SBF2: variants seen among roughly 807,000 people sequenced by gnomAD.
SBF2 encodes myotubularin-related protein 13.
In SBF2, 112 loss-of-function variants were observed where a neutral mutation model predicts 225.2. That is an observed-to-expected ratio of 0.50 (90% CI 0.43 to 0.58). The LOEUF (loss-of-function observed/expected upper bound fraction) is 0.58. Among genes scored for constraint, SBF2 ranks in the 20% least tolerant of loss-of-function variants. The probability of loss-of-function intolerance (pLI) is 0.00; values close to 1 mark genes in which losing one functional copy is unlikely to be tolerated. For synonymous variants in SBF2, 763 were observed against 773.3 expected (o/e 0.99, Z 0.22); for missense variants, 1,996 against 2,206.2 (o/e 0.90, Z 1.91).
intron 1 of SBF2, among the ~76,000 whole-genome samples, chr11:10,242,394 AT>A (rs1565393418): frequency 6.6e-6 from 1 of 152,094 alleles, no homozygotes; most frequent in African/African-American, 2.4e-5. Context: ...AAAAAAAAGT[AT>A]ATTATTACAA....
intron 2 of SBF2, among the ~76,000 whole-genome samples, chr11:10,178,339 A>C (rs1180953370): frequency 6.7e-6 from 1 of 149,428 alleles, no homozygotes; most frequent in Non-Finnish European, 1.5e-5. Flanking sequence ...CAAAATTGAC[A>C]AATGGGACCT....
chr11:10,026,702 G>A (rs970995803), intron 6 of SBF2, among the ~76,000 whole-genome samples: 1 of 152,120 alleles, frequency 6.6e-6, no homozygotes, highest in African/African-American at 2.4e-5. Flanking sequence ...TCATGCCACT[G>A]CATTCCAGCC....
At chr11:9,975,473 G>C (rs1946640197) in intron 13 of SBF2, among the ~76,000 whole-genome samples, 1 of 152,198 alleles carries the variant, frequency 6.6e-6, no homozygotes, top group South Asian at 2.1e-4. Flanking sequence ...TGTTTGAGGT[G>C]GTGGGAAGAT....
intron 16 of SBF2, among the ~76,000 whole-genome samples, chr11:9,903,247 G>A (rs778615894): frequency 3.9e-5 from 6 of 152,066 alleles, no homozygotes; most frequent in Non-Finnish European, 7.4e-5. Flanking sequence ...GCGTGAACCC[G>A]GGAGGCAGAG....
intron 1 of SBF2, among the ~76,000 whole-genome samples, chr11:10,259,038 T>G (rs1961173581): frequency 6.6e-6 from 1 of 152,228 alleles, no homozygotes; most frequent in South Asian, 2.1e-4. Context: ...ACCTAGTCCT[T>G]GGACTTCTAT....
At chr11:10,189,075 T>C (rs1003360871) in intron 2 of SBF2, among the ~76,000 whole-genome samples, 1 of 152,226 alleles carries the variant, frequency 6.6e-6, no homozygotes, top group Non-Finnish European at 1.5e-5. Context: ...TTAGATTCCA[T>C]CTACAGTATC....
At chr11:10,302,324 C>T (rs7935257) in intron 1 of SBF2, among the ~76,000 whole-genome samples, 15,192 of 152,302 alleles carry the variant, frequency 0.1, 913 homozygotes, top group Non-Finnish European at 0.11. Context: ...CTTTGGGGAG[C>T]ACTCTAGCCC....
chr11:9,833,251 G>A (rs915078686), intron 26 of SBF2, among the ~76,000 whole-genome samples: 1 of 152,146 alleles, frequency 6.6e-6, no homozygotes, highest in Non-Finnish European at 1.5e-5. Flanking sequence ...AAAGTTACAG[G>A]ATATGATGCT....
At chr11:10,175,462 CT>C (rs1181114248) in intron 2 of SBF2, among the ~76,000 whole-genome samples, 16 of 150,982 alleles carry the variant, frequency 1.1e-4, no homozygotes, top group Admixed American at 1.1e-3. Flanking sequence ...GAAGAGCTAA[CT>C]ATCCTAAATA....
chr11:9,981,837 AT>A (rs1590672524), intron 13 of SBF2, among the ~76,000 whole-genome samples: 1 of 152,192 alleles, frequency 6.6e-6, no homozygotes, highest in South Asian at 2.1e-4. Context: ...CTTCCAGAAT[AT>A]TTTTTTGTTT....
chr11:9,958,973 G>A, intron 16 of SBF2: 1 of 767,428 alleles, frequency 1.3e-6, no homozygotes, highest in East Asian at 2.5e-5. Context: ...TACTGCTGTT[G>A]CTTGCTTAGT....
rs146526801 is a variant in SBF2, at chr11:10,029,936, T to G, written c.403-61A>C. On this transcript the variant is annotated intron_variant, in intron 4 of 39. Coordinates refer to ENST00000256190, the MANE Select transcript of SBF2 (RefSeq NM_030962.4). Reference sequence around the variant, plus strand: ...AAAAAGCATTAAAAATAAATTGTTATGACATCTGCTCTAGGACGATTTCTC... The same window carrying G: ...AAAAAGCATTAAAAATAAATTGTTAGGACATCTGCTCTAGGACGATTTCTC... 71 of 1,102,886 alleles carry G rather than the reference T, an allele frequency of 6.4e-5. No homozygotes were observed. In the African/African-American group the frequency reaches 1.0e-3, roughly 16 times the overall value. The allele number at this position is 1,102,886 out of a possible 1,614,324, so 68.3% of individuals were successfully genotyped here. A position where few individuals can be genotyped will look rare whatever the true frequency, so the allele number is the denominator to read the frequency against.
At chr11:10,048,495 G>C (rs1170602833) in intron 2 of SBF2, among the ~76,000 whole-genome samples, 5 of 152,108 alleles carry the variant, frequency 3.3e-5, no homozygotes, top group Non-Finnish European at 7.4e-5. Flanking sequence ...TAATTGAAAA[G>C]GCCCTTGATG....
rs890389501 is a variant in SBF2, at chr11:9,779,146, T to A, written c.*1272A>T. ...TTATTTTTAATCTACAAAGTATTTTTATTTTTTAAAAGGGAACCATTTCAT... is the reference window on the plus strand; with the variant it reads ...TTATTTTTAATCTACAAAGTATTTTAATTTTTTAAAAGGGAACCATTTCAT... On this transcript the variant is annotated 3_prime_UTR_variant, in exon 40 of 40. Transcript: ENST00000256190. 1 of 152,636 alleles carries A rather than the reference T, an allele frequency of 6.6e-6. No homozygotes were observed. Among genetic ancestry groups the A allele is most frequent in the Non-Finnish European group, 1.5e-5 (1 of 68,030 alleles). 9.5% of individuals were successfully genotyped at this position (152,636 alleles called of 1,614,324 possible).
At position 9,835,631 on chromosome 11, in the gene SBF2, C is replaced by CAAAAAAAAAAAAAAAAAAAAAAAAAA. The variant is rs58436467; in HGVS notation, c.3456-3212_3456-3211insTTTTTTTTTTTTTTTTTTTTTTTTTT. ...TGGGAGACAGAGCAAGACCTTGTCT[C>CAAAAAAAAAAAAAAAAAAAAAAAAAA]AAAAAAAAAAAAAAAAGATTACTAC... On this transcript the variant is annotated intron_variant, in intron 26 of 39. Transcript: ENST00000256190. 9.7e-5 allele frequency among the ~76,000 whole-genome samples: 6 copies of CAAAAAAAAAAAAAAAAAAAAAAAAAA among 62,134 alleles called. 1 individual carries two copies. The highest frequency in any genetic ancestry group is 1.3e-4 in the African/African-American group (2 of 15,498). 40.8% of individuals were successfully genotyped at this position (62,134 alleles called of 152,430 possible).
At chr11:9,832,719 G>A (rs1855476930) in intron 26 of SBF2, among the ~76,000 whole-genome samples, 1 of 152,116 alleles carries the variant, frequency 6.6e-6, no homozygotes, top group Non-Finnish European at 1.5e-5. Context: ...GGGATTATGG[G>A]CGTGAGCCAT....
intron 19 of SBF2, among the ~76,000 whole-genome samples, chr11:9,854,381 TA>T (rs1857168471): frequency 6.6e-6 from 1 of 152,164 alleles, no homozygotes; most frequent in African/African-American, 2.4e-5. Context: ...CCTTCTTGCT[TA>T]TTCAGCTCTT....
chr11:9,783,620 G>A (rs557419879), intron 38 of SBF2, among the ~76,000 whole-genome samples: 1 of 152,264 alleles, frequency 6.6e-6, no homozygotes, highest in African/African-American at 2.4e-5. Context: ...TGAAATCACT[G>A]GAGTAAAGAC....
chr11:10,064,391 A>C (rs1156559862), intron 2 of SBF2, among the ~76,000 whole-genome samples: 1 of 152,172 alleles, frequency 6.6e-6, no homozygotes, highest in Non-Finnish European at 1.5e-5. Flanking sequence ...CTTAACCTAA[A>C]AGAAGGCTGA....
Sources: gnomAD v4.1 joint callset for allele counts (sites outside exome capture counted in the v4.1 genomes callset) on GRCh38, gnomAD v4.1.1 for gene constraint, MANE v1.5 for transcripts, NCBI Gene and HGNC (gene_info 2026-07-23, HGNC 2026-07-21) for gene names.